PAIP2: variants seen among roughly 807,000 people sequenced by gnomAD.
PAIP2 encodes the protein poly(A) binding protein interacting protein 2.
Under a neutral mutation model 14.8 loss-of-function variants are expected in PAIP2, and 7 were observed. The observed-to-expected ratio is 0.47, with a 90% CI of 0.27 to 0.89. PAIP2 has a LOEUF of 0.89. Among genes scored for constraint, PAIP2 ranks in the 40% least tolerant of loss-of-function variants. The pLI is 0.13. For missense variants in PAIP2, 122 were observed against 154.7 expected (o/e 0.79, Z 1.12); for synonymous variants, 47 against 45.3 (o/e 1.04, Z -0.15).
intron 1 of PAIP2, among the ~76,000 whole-genome samples, chr5:139,352,063 TATCTG>T (rs1419667751): frequency 6.6e-6 from 1 of 152,110 alleles, no homozygotes; most frequent in Admixed American, 6.6e-5. Context: ...GAAAATTTGA[TATCTG>T]AACTGTTCCA....
chr5:139,345,328 C>T lies in PAIP2; in HGVS notation c.-27+3348C>T, dbSNP rs533283960. The stretch of plus-strand genomic sequence containing the variant: ...TGCTGGGATTACAGGTGTGAGCCAC[C>T]GCGCCCAGCCCAGAGCCCATGTTTT... On this transcript the variant is annotated intron_variant, in intron 1 of 3. Transcript: ENST00000265192. 7.2e-5 allele frequency among the ~76,000 whole-genome samples: 11 copies of T among 152,186 alleles called. No homozygotes were observed. The East Asian group carries it at 7.7e-4, about 11-fold the overall frequency.
chr5:139,368,020 GA>G (rs1453468422), intron 3 of PAIP2, among the ~76,000 whole-genome samples: 2 of 152,176 alleles, frequency 1.3e-5, no homozygotes, highest in African/African-American at 4.8e-5. Context: ...CTAACATGGT[GA>G]AACCCCTTCT....
chr5:139,346,356 C>T (rs778102138), intron 1 of PAIP2, among the ~76,000 whole-genome samples: 2 of 152,194 alleles, frequency 1.3e-5, no homozygotes, highest in Non-Finnish European at 1.5e-5. Context: ...ATTCTCCTGC[C>T]TCAGCCTCCC....
chr5:139,352,499 G>GTTTTTGTTTTT (rs1561959065), intron 1 of PAIP2, among the ~76,000 whole-genome samples: 8 of 128,978 alleles, frequency 6.2e-5, no homozygotes, highest in African/African-American at 2.2e-4. Context: ...TTTTTTTTTT[G>GTTTTTGTTTTT]TTGTTTTTTT....
intron 1 of PAIP2, among the ~76,000 whole-genome samples, chr5:139,352,788 G>A (rs887156647): frequency 1.3e-5 from 2 of 151,676 alleles, no homozygotes; most frequent in Admixed American, 6.6e-5. Flanking sequence ...CAGTTTTATA[G>A]TGGGTCAGAA....
intron 1 of PAIP2, among the ~76,000 whole-genome samples, chr5:139,359,258 T>G (rs1206672609): frequency 6.6e-6 from 1 of 152,126 alleles, no homozygotes; most frequent in African/African-American, 2.4e-5. Flanking sequence ...TGCCTCAGCC[T>G]CCTGTGTAGC....
At chr5:139,359,839 G>A (rs1757017762) in intron 1 of PAIP2, among the ~76,000 whole-genome samples, 1 of 151,518 alleles carries the variant, frequency 6.6e-6, no homozygotes, top group South Asian at 2.1e-4. Flanking sequence ...GGCCATGGTG[G>A]CACGCTCCTG....
At chr5:139,353,407 G>A (rs1368058416) in intron 1 of PAIP2, among the ~76,000 whole-genome samples, 1 of 151,960 alleles carries the variant, frequency 6.6e-6, no homozygotes, top group Admixed American at 6.6e-5. Flanking sequence ...TTTGTTTCTG[G>A]CTATTTCTGA....
intron 1 of PAIP2, among the ~76,000 whole-genome samples, chr5:139,362,569 C>T (rs1028905277): frequency 6.6e-6 from 1 of 152,024 alleles, no homozygotes; most frequent in Non-Finnish European, 1.5e-5. Flanking sequence ...TGCCACCACG[C>T]CCGGCTAATT....
chr5:139,356,847 A>G (rs1756929896), intron 1 of PAIP2, among the ~76,000 whole-genome samples: 1 of 150,920 alleles, frequency 6.6e-6, no homozygotes, highest in Non-Finnish European at 1.5e-5. Context: ...AGATTGAGCC[A>G]CTGCACTTCA....
At chr5:139,362,534 C>T (rs945379041) in intron 1 of PAIP2, among the ~76,000 whole-genome samples, 5 of 151,782 alleles carry the variant, frequency 3.3e-5, no homozygotes, top group East Asian at 3.9e-4. Context: ...CCTCAGCCTC[C>T]GGAGTAGCTG....
At chr5:139,353,941 C>T (rs1320671692) in intron 1 of PAIP2, among the ~76,000 whole-genome samples, 3 of 152,046 alleles carry the variant, frequency 2.0e-5, no homozygotes, top group Admixed American at 6.6e-5. Context: ...AGGCTGGTCT[C>T]GAACTCCTGA....
intron 1 of PAIP2, among the ~76,000 whole-genome samples, chr5:139,348,189 T>TATTC (rs1756615690): frequency 1.3e-5 from 2 of 151,622 alleles, no homozygotes; most frequent in Admixed American, 1.3e-4. Context: ...TTTATTTATT[T>TATTC]ATTTATTTAT....
At chr5:139,357,531 G>A (rs774454855) in intron 1 of PAIP2, among the ~76,000 whole-genome samples, 1 of 152,074 alleles carries the variant, frequency 6.6e-6, no homozygotes, top group Non-Finnish European at 1.5e-5. Context: ...AGAGTTTTTT[G>A]TTAATATTTA....
chr5:139,356,212 C>A (rs903817660), intron 1 of PAIP2, among the ~76,000 whole-genome samples: 6 of 149,936 alleles, frequency 4.0e-5, no homozygotes, highest in Non-Finnish European at 8.9e-5. Flanking sequence ...CTTTGGGAGA[C>A]CAAGGCAGGC....
At chr5:139,348,787 C>T (rs1280458669) in intron 1 of PAIP2, among the ~76,000 whole-genome samples, 2 of 151,892 alleles carry the variant, frequency 1.3e-5, no homozygotes, top group Non-Finnish European at 2.9e-5. Flanking sequence ...AAGCAATTCT[C>T]CTGCCTCAGC....
intron 1 of PAIP2, among the ~76,000 whole-genome samples, chr5:139,347,268 CTTTT>C (rs34018719): frequency 1.9e-5 from 2 of 105,882 alleles, no homozygotes; most frequent in Non-Finnish European, 3.5e-5. Flanking sequence ...CATGTTACAA[CTTTT>C]TTTTTTTTTT....
chr5:139,349,232 GT>G (rs1161169170), intron 1 of PAIP2, among the ~76,000 whole-genome samples: 8 of 152,072 alleles, frequency 5.3e-5, no homozygotes, highest in Non-Finnish European at 1.2e-4. Flanking sequence ...GTATAGAGTT[GT>G]TTTTTGCTGT....
chr5:139,353,314 C>T (rs1756805433), intron 1 of PAIP2, among the ~76,000 whole-genome samples: 1 of 151,940 alleles, frequency 6.6e-6, no homozygotes, highest in Non-Finnish European at 1.5e-5. Context: ...TATTTTTGTT[C>T]TGGAGAAAAG....
Sources: gnomAD v4.1 joint callset for allele counts (sites outside exome capture counted in the v4.1 genomes callset) on GRCh38, gnomAD v4.1.1 for gene constraint, MANE v1.5 for transcripts, NCBI Gene and HGNC (gene_info 2026-07-23, HGNC 2026-07-21) for gene names.